Variants in ODAD4 observed in about 807,000 individuals in gnomAD.
The protein encoded by ODAD4 is outer dynein arm docking complex subunit 4.
In ODAD4, 49 loss-of-function variants were observed where a neutral mutation model predicts 51.8. The observed-to-expected ratio is 0.95, with a 90% CI of 0.75 to 1.20. ODAD4 has a LOEUF of 1.20. ODAD4 is among the 50% of genes most tolerant of loss of function. The pLI, the probability that ODAD4 is intolerant of heterozygous loss-of-function variation, is 0.00. For missense variants in ODAD4, 590 were observed against 586.5 expected (o/e 1.01, Z -0.06); for synonymous variants, 235 against 221.3 (o/e 1.06, Z -0.55).
intron 9 of ODAD4, chr17:41,952,664 TGAAAG>T (rs1381291100): frequency 1.9e-6 from 1 of 518,158 alleles, no homozygotes; most frequent in Non-Finnish European, 3.9e-6. Flanking sequence ...CCACTGGTCT[TGAAAG>T]GAATACTGCG....
At chr17:41,958,653 T>G (rs1598091211) in intron 10 of ODAD4, among the ~76,000 whole-genome samples, 1 of 115,820 alleles carries the variant, frequency 8.6e-6, no homozygotes, top group African/African-American at 3.4e-5. Flanking sequence ...AGAGCGAAAC[T>G]CCATCTCAAA....
At chr17:41,947,714 G>C (rs1249165341) in intron 8 of ODAD4, among the ~76,000 whole-genome samples, 2 of 152,116 alleles carry the variant, frequency 1.3e-5, no homozygotes, top group South Asian at 4.1e-4. Context: ...AGAATCACTT[G>C]AATCTGGGAG....
At chr17:41,937,612 A>T (rs2050446149) in intron 5 of ODAD4, among the ~76,000 whole-genome samples, 1 of 152,198 alleles carries the variant, frequency 6.6e-6, no homozygotes, top group Non-Finnish European at 1.5e-5. Flanking sequence ...CTAGGACTAT[A>T]GGCGCCCACA....
In ODAD4 at chr17:41,942,110, G is replaced by A. The variant is rs1231451274; in HGVS notation, c.1058+2938G>A. ...TTATTGGCAGCCCGGCTAATTTTGT[G>A]TTTTTAGTAGAGATGGGGTTTCACC... On this transcript the variant is annotated intron_variant, in intron 7 of 11. Coordinates refer to ENST00000377540, the MANE Select transcript of ODAD4 (RefSeq NM_031421.5). Among the ~76,000 whole-genome samples the A allele has an allele frequency of 2.6e-5, 4 of 152,140 alleles. No individual in the cohort carries two copies. The East Asian group carries it at 7.7e-4, about 29-fold the overall frequency.
At chr17:41,954,317 A>G (rs80162003) in intron 9 of ODAD4, among the ~76,000 whole-genome samples, 1,926 of 152,194 alleles carry the variant, frequency 0.013, 26 homozygotes, top group South Asian at 0.017. Flanking sequence ...TTAAAATGAA[A>G]TGAAGCTCTG....
intron 8 of ODAD4, among the ~76,000 whole-genome samples, chr17:41,947,233 G>A (rs1481560838): frequency 6.6e-6 from 1 of 151,106 alleles, no homozygotes; most frequent in African/African-American, 2.4e-5. Flanking sequence ...CAGCACTTTG[G>A]GAGGCAGAGG....
chr17:41,944,652 G>A (rs371308470), intron 7 of ODAD4, among the ~76,000 whole-genome samples: 20 of 152,048 alleles, frequency 1.3e-4, no homozygotes, highest in East Asian at 9.7e-4. Context: ...TTAGCTGGGT[G>A]TGGTGGCGGG....
chr17:41,952,581 A>G (rs2050672786), intron 9 of ODAD4: 1 of 417,728 alleles, frequency 2.4e-6, no homozygotes, highest in Non-Finnish European at 4.8e-6. Context: ...AGAAAGAATG[A>G]AAGAATAATC....
rs375862808 is a variant in ODAD4, at chr17:41,965,326, A to T, written c.1862A>T (p.Gln621Leu). Residue 621 changes from glutamine (Q) to leucine (L), a missense_variant, in exon 12 of 12, where the codon CAA becomes CTA. This residue lies in a region of ODAD4 where 226 missense variants were observed against 162.7 expected (regional missense o/e 1.39). Coordinates refer to ENST00000377540, the MANE Select transcript of ODAD4 (RefSeq NM_031421.5). ...IYRRPSGELE[Q>L]RLSGEFSRQE... ...AGGAGGCCTTCGGGAGAATTAGAGC[A>T]AAGACTCTCAGGAGAATTCAGCAGA... is the stretch of plus-strand genomic sequence containing the variant. The T allele has an allele frequency of 5.1e-6, 4 of 780,592 alleles. No homozygotes were observed. The African/African-American group carries it at 6.8e-5, about 13-fold the overall frequency. 48.4% of individuals were successfully genotyped at this position (780,592 alleles called of 1,614,324 possible).
At chr17:41,940,112 T>G (rs553513021) in intron 7 of ODAD4, among the ~76,000 whole-genome samples, 1 of 152,292 alleles carries the variant, frequency 6.6e-6, no homozygotes, top group African/African-American at 2.4e-5. Context: ...GAGTCATTCT[T>G]GACTTCCTCC....
intron 8 of ODAD4, among the ~76,000 whole-genome samples, chr17:41,946,801 C>T (rs1252426817): frequency 6.6e-6 from 1 of 152,038 alleles, no homozygotes; most frequent in Non-Finnish European, 1.5e-5. Context: ...GCCTCAGCCT[C>T]CCAAGTAGCT....
At chr17:41,932,678 G>A (rs1051822845) in intron 1 of ODAD4, among the ~76,000 whole-genome samples, 18 of 151,540 alleles carry the variant, frequency 1.2e-4, no homozygotes, top group African/African-American at 3.9e-4. Context: ...CCAAGTAGCT[G>A]GAGCTACAGG....
At chr17:41,945,073 A>C in intron 7 of ODAD4, 63 bp from the exon 8 acceptor site, 1 of 1,361,442 alleles carries the variant, frequency 7.3e-7, no homozygotes, top group Non-Finnish European at 1.0e-6. Context: ...CTTCTTTCCT[A>C]TTTCCACAGT....
intron 8 of ODAD4, 59 bp downstream of exon 8, chr17:41,945,281 A>T: frequency 5.2e-6 from 7 of 1,352,824 alleles, no homozygotes; most frequent in Non-Finnish European, 7.3e-6. Context: ...TCACCATAAC[A>T]TGAAAATTTG....
intron 7 of ODAD4, 86 bp from the exon 8 acceptor site, chr17:41,945,050 C>A: frequency 2.8e-6 from 3 of 1,064,566 alleles, no homozygotes; most frequent in Non-Finnish European, 4.2e-6. Context: ...GAGGCCAGGG[C>A]TCCTGTCTTT....
Position 41,930,648 on chromosome 17 carries a change from G to A in ODAD4, c.-76G>A. 1.0e-6 allele frequency: 1 copy of A among 953,952 alleles called. No individual in the cohort carries two copies. The highest frequency in any genetic ancestry group is 1.6e-6 in the Non-Finnish European group (1 of 614,598). 59.1% of individuals were successfully genotyped at this position (953,952 alleles called of 1,614,324 possible). ...CATCTCATGGTTGCTAAGAAACGGAGCTTCCACAAACCAGATAGAGGTTCT... is the reference window on the plus strand; with the variant it reads ...CATCTCATGGTTGCTAAGAAACGGAACTTCCACAAACCAGATAGAGGTTCT... On this transcript the variant is annotated 5_prime_UTR_variant, in exon 1 of 12. Transcript: ENST00000377540.
Position 41,961,829 on chromosome 17 carries a change from T to C in ODAD4, c.1528+363T>C, listed in dbSNP as rs532946725. On this transcript the variant is annotated intron_variant, in intron 11 of 11. Transcript: ENST00000377540. ...CTTTGGGCAAGGCTGACCAGTGGAGTTGTCAGCTGCTGGGATCCTGCACAC... is the reference window on the plus strand; with the variant it reads ...CTTTGGGCAAGGCTGACCAGTGGAGCTGTCAGCTGCTGGGATCCTGCACAC... 5.9e-5 allele frequency among the ~76,000 whole-genome samples: 9 copies of C among 152,042 alleles called. No homozygotes were observed. In the South Asian group the frequency reaches 1.0e-3, roughly 18 times the overall value.
chr17:41,941,198 G>A (rs1555638639), intron 7 of ODAD4, among the ~76,000 whole-genome samples: 1 of 152,172 alleles, frequency 6.6e-6, no homozygotes, highest in African/African-American at 2.4e-5. Flanking sequence ...TCTGACCTGG[G>A]CTTCCTACAG....
intron 10 of ODAD4, among the ~76,000 whole-genome samples, chr17:41,957,309 G>A (rs1356472080): frequency 1.3e-5 from 2 of 152,258 alleles, no homozygotes; most frequent in East Asian, 3.9e-4. Context: ...GGATGAAACT[G>A]TTCCACCTCA....
Sources: allele counts gnomAD v4.1 joint callset (sites outside exome capture counted in the v4.1 genomes callset), GRCh38; gene constraint gnomAD v4.1.1; regional missense constraint gnomAD v4.1.1; transcripts MANE v1.5; gene names NCBI Gene and HGNC (gene_info 2026-07-23, HGNC 2026-07-21).